The following TMEM132B variants were observed in gnomAD, a reference collection of about 807,000 sequenced individuals.
TMEM132B encodes transmembrane protein 132B.
In TMEM132B, 18 loss-of-function variants were observed where a neutral mutation model predicts 90.8. That is an observed-to-expected ratio of 0.20 (90% CI 0.14 to 0.29). The LOEUF is 0.29. Ranked by LOEUF, TMEM132B falls within the 10% of genes least tolerant of loss-of-function variation. The pLI, the probability that TMEM132B is intolerant of heterozygous loss-of-function variation, is 1.00. For synonymous variants in TMEM132B, 504 were observed against 523.3 expected, an observed-to-expected ratio of 0.96 and a Z score of 0.50; for missense variants, 1,096 against 1,326.8, an observed-to-expected ratio of 0.83 and a Z score of 2.70.
At chr12:125,642,564 G>T (rs1460964168) in intron 5 of TMEM132B, among the ~76,000 whole-genome samples, 1 of 152,170 alleles carries the variant, frequency 6.6e-6, no homozygotes, top group East Asian at 1.9e-4. Flanking sequence ...GAAGGAAAAA[G>T]ACTTTAGACT....
chr12:125,492,330 C>T lies in TMEM132B; in HGVS notation c.1107-27109C>T, dbSNP rs1882378081. On this transcript the variant is annotated intron_variant, in intron 3 of 8. Transcript: ENST00000682704. This position sits in a 1 kb window ranked among gnomAD's most constrained non-coding sequence, Gnocchi z 5.8. ...ATTCCTTAGCGGGCTCTCGCGTGTC[C>T]TCCAAACACTGCTGCATGCCATGAC... Among the ~76,000 whole-genome samples the T allele has an allele frequency of 6.6e-6, 1 of 152,228 alleles. No individual in the cohort carries two copies.
intron 5 of TMEM132B, among the ~76,000 whole-genome samples, chr12:125,629,400 A>G (rs1047576021): frequency 6.6e-6 from 1 of 151,926 alleles, no homozygotes; most frequent in African/African-American, 2.4e-5. Context: ...ATTTATTGCT[A>G]TTGTAAGTGG....
chr12:125,574,423 C>T (rs77717733), intron 4 of TMEM132B, among the ~76,000 whole-genome samples: 96 of 152,200 alleles, frequency 6.3e-4, no homozygotes, highest in African/African-American at 2.0e-3. Context: ...AGATTCCCAA[C>T]GTGGAAGGAG....
chr12:125,646,380 A>C (rs1197384496), intron 6 of TMEM132B, among the ~76,000 whole-genome samples: 2 of 152,266 alleles, frequency 1.3e-5, no homozygotes, highest in South Asian at 2.1e-4. Context: ...CAGACAGCAA[A>C]TGATGAATAA....
chr12:125,609,685 C>T (rs959532003), intron 5 of TMEM132B, among the ~76,000 whole-genome samples: 8 of 151,462 alleles, frequency 5.3e-5, no homozygotes, highest in East Asian at 1.9e-4. Context: ...GGCGTGGTGG[C>T]GGGCGCCTGT....
chr12:125,625,883 G>A (rs1262220604), intron 5 of TMEM132B, among the ~76,000 whole-genome samples: 1 of 151,922 alleles, frequency 6.6e-6, no homozygotes, highest in Non-Finnish European at 1.5e-5. Flanking sequence ...GGTTTTAATT[G>A]GTATTTCCTT....
chr12:125,270,127 TG>T (rs1874798938), intron 1 of TMEM132B, among the ~76,000 whole-genome samples: 1 of 151,172 alleles, frequency 6.6e-6, no homozygotes, highest in Non-Finnish European at 1.5e-5. Flanking sequence ...TGTGTGTGTG[TG>T]TGTGTGTGTG....
chr12:125,554,205 C>T lies in TMEM132B; in HGVS notation c.1294-29646C>T, dbSNP rs971537125. 5.9e-5 allele frequency among the ~76,000 whole-genome samples: 9 copies of T among 151,614 alleles called. No individual in the cohort carries two copies. The South Asian group carries it at 6.3e-4, about 11-fold the overall frequency. ...TTGGGAGGCTGAGGTGGGTGGATCACGAGGTCAGGAGATTGAGACCATGCT... is the reference window on the plus strand; with the variant it reads ...TTGGGAGGCTGAGGTGGGTGGATCATGAGGTCAGGAGATTGAGACCATGCT... On this transcript the variant is annotated intron_variant, in intron 4 of 8. Transcript: ENST00000682704.
intron 1 of TMEM132B, among the ~76,000 whole-genome samples, chr12:125,194,276 G>GA (rs1373328628): frequency 6.6e-6 from 1 of 151,942 alleles, no homozygotes; most frequent in African/African-American, 2.4e-5. Context: ...GTTGGTGGGG[G>GA]GGTCTTACTC....
intron 1 of TMEM132B, among the ~76,000 whole-genome samples, chr12:125,338,724 C>T (rs768068144): frequency 4.1e-4 from 63 of 152,308 alleles, no homozygotes; most frequent in Admixed American, 1.2e-3. Context: ...CCCATCAGCA[C>T]ACTTTTATCC....
At chr12:125,260,841 G>A (rs543935920) in intron 1 of TMEM132B, among the ~76,000 whole-genome samples, 3 of 152,228 alleles carry the variant, frequency 2.0e-5, no homozygotes, top group Middle Eastern at 3.4e-3. Flanking sequence ...ACTTAAGCCC[G>A]GGAGGTCGAG....
chr12:125,198,827 T>C (rs1872985902), intron 1 of TMEM132B, among the ~76,000 whole-genome samples: 1 of 152,206 alleles, frequency 6.6e-6, no homozygotes, highest in African/African-American at 2.4e-5. Flanking sequence ...GGAAAGGAGC[T>C]GATGCTGCCT....
chr12:125,192,917 C>T (rs913110762), intron 1 of TMEM132B, among the ~76,000 whole-genome samples: 12 of 152,296 alleles, frequency 7.9e-5, no homozygotes, highest in Middle Eastern at 3.4e-3. Context: ...GTAAAATGGG[C>T]GCCGAAATTC....
At chr12:125,599,327 G>A (rs1885517462) in intron 5 of TMEM132B, among the ~76,000 whole-genome samples, 1 of 152,190 alleles carries the variant, frequency 6.6e-6, no homozygotes. Flanking sequence ...GTGGAACTGT[G>A]AGTCCCTTAA....
At chr12:125,364,298 C>T (rs1878056524) in intron 2 of TMEM132B, among the ~76,000 whole-genome samples, 1 of 151,788 alleles carries the variant, frequency 6.6e-6, no homozygotes. Flanking sequence ...TTATATTTTC[C>T]CATATTTTAT....
rs1399032910 is a variant in TMEM132B, at chr12:125,408,235, T to G, written c.960-7296T>G. On this transcript the variant is annotated intron_variant, in intron 2 of 8. Coordinates refer to ENST00000682704, the MANE Select transcript of TMEM132B (RefSeq NM_001366854.1). The surrounding 1 kb of genome is among the most constrained non-coding windows in gnomAD (Gnocchi z 5.9). ...TCGTTACTGCTGTATAGTGTTCCAC[T>G]GTGAGATGTTACGCTTTACCAGTTC... 6.6e-6 allele frequency among the ~76,000 whole-genome samples: 1 copy of G among 152,234 alleles called. No homozygotes were observed. The highest frequency in any genetic ancestry group is 1.5e-5 in the Non-Finnish European group (1 of 68,046).
chr12:125,310,731 C>T (rs868010639), intron 1 of TMEM132B, among the ~76,000 whole-genome samples: 11 of 152,164 alleles, frequency 7.2e-5, no homozygotes, highest in Admixed American at 2.6e-4. Flanking sequence ...TGACCTCCCC[C>T]CCAACAACAC....
At chr12:125,383,937 C>T (rs956949127) in intron 2 of TMEM132B, among the ~76,000 whole-genome samples, 5 of 152,108 alleles carry the variant, frequency 3.3e-5, no homozygotes, top group African/African-American at 1.2e-4. Context: ...TAGAAACTCT[C>T]TGTATTTCTT....
At chr12:125,222,516 T>C (rs1407099815) in intron 1 of TMEM132B, among the ~76,000 whole-genome samples, 1 of 152,098 alleles carries the variant, frequency 6.6e-6, no homozygotes, top group Non-Finnish European at 1.5e-5. Context: ...ATATGGGGGA[T>C]TTTCACTTTC....
Sources: gnomAD v4.1 joint callset for allele counts (sites outside exome capture counted in the v4.1 genomes callset) on GRCh38, gnomAD v4.1.1 for gene constraint, Gnocchi (gnomAD v3.1) non-coding constraint, MANE v1.5 for transcripts, NCBI Gene and HGNC (gene_info 2026-07-23, HGNC 2026-07-21) for gene names.